Variants in TIMP3 observed in about 807,000 individuals in gnomAD.
The protein encoded by TIMP3 is TIMP metallopeptidase inhibitor 3, also known as metalloproteinase inhibitor 3.
Under a neutral mutation model 30.0 loss-of-function variants are expected in TIMP3, and 11 were observed. That is an observed-to-expected ratio of 0.37 (90% CI 0.23 to 0.61). The LOEUF (loss-of-function observed/expected upper bound fraction) is 0.61, where lower values mean the gene tolerates loss of function less well. Among genes scored for constraint, TIMP3 ranks in the 20% least tolerant of loss-of-function variants. The pLI is 0.70. For synonymous variants in TIMP3, 112 were observed against 111.3 expected (o/e 1.01, Z -0.04); for missense variants, 181 against 276.8 (o/e 0.65, Z 2.45).
chr22:32,832,650 G>A (rs1006434950), intron 1 of TIMP3, among the ~76,000 whole-genome samples: 4 of 151,628 alleles, frequency 2.6e-5, no homozygotes, highest in Admixed American at 2.0e-4. Context: ...TTGGGAGACA[G>A]AGTCTGGTTT....
At chr22:32,816,623 G>A (rs1034285956) in intron 1 of TIMP3, among the ~76,000 whole-genome samples, 1 of 152,130 alleles carries the variant, frequency 6.6e-6, no homozygotes, top group Non-Finnish European at 1.5e-5. Context: ...TATCCTGCCA[G>A]GTTAGAAAGA....
In TIMP3 at chr22:32,801,922, C is replaced by T; in HGVS notation, c.-80C>T. On this transcript the variant is annotated 5_prime_UTR_variant, in exon 1 of 5. Transcript: ENST00000266085. The surrounding 1 kb of genome is among the most constrained non-coding windows in gnomAD (Gnocchi z 4.7). ...GGCCCGGCGGGCGAGCGAGCTCGGG[C>T]TGCAGCAGCCCCGCCGGCGGCGCGC... is the stretch of plus-strand genomic sequence containing the variant. The T allele has an allele frequency of 3.4e-6, 5 of 1,491,418 alleles. No homozygotes were observed. The highest frequency in any genetic ancestry group is 1.3e-5 in the South Asian group (1 of 79,292). The allele number at this position is 1,491,418 out of a possible 1,614,324, so 92.4% of individuals were successfully genotyped here.
rs2048164974 is a variant in TIMP3, at chr22:32,849,682, G to A, written c.204+148G>A. On this transcript the variant is annotated intron_variant, in intron 2 of 4. Coordinates refer to ENST00000266085, the MANE Select transcript of TIMP3 (RefSeq NM_000362.5). ...CCTTCTGCCTGCTGGAGAGGGAGCTGCTAAGGCTGCATAAAGGGATGGGTA... is the reference window on the plus strand; with the variant it reads ...CCTTCTGCCTGCTGGAGAGGGAGCTACTAAGGCTGCATAAAGGGATGGGTA... 1.2e-5 allele frequency: 9 copies of A among 765,602 alleles called. No individual in the cohort carries two copies. In the South Asian group the frequency reaches 1.2e-4, roughly 10 times the overall value. The allele number at this position is 765,602 out of a possible 1,614,324, so 47.4% of individuals were successfully genotyped here.
chr22:32,811,623 T>G (rs1176420430), intron 1 of TIMP3, among the ~76,000 whole-genome samples: 1 of 152,178 alleles, frequency 6.6e-6, no homozygotes, highest in African/African-American at 2.4e-5. Context: ...CTCTTCACAT[T>G]TTAGAGTCTT....
chr22:32,832,832 A>G (rs1006846789), intron 1 of TIMP3, among the ~76,000 whole-genome samples: 5 of 151,942 alleles, frequency 3.3e-5, no homozygotes, highest in Non-Finnish European at 7.4e-5. Context: ...GGCTCAAGTG[A>G]TCCGTTTCCC....
chr22:32,834,213 C>T (rs1326614837), intron 1 of TIMP3, among the ~76,000 whole-genome samples: 2 of 151,910 alleles, frequency 1.3e-5, no homozygotes, highest in Non-Finnish European at 2.9e-5. Flanking sequence ...AGTGCAGTGG[C>T]ACGATCTCGG....
At chr22:32,825,248 A>G (rs1028611784) in intron 1 of TIMP3, among the ~76,000 whole-genome samples, 2 of 152,212 alleles carry the variant, frequency 1.3e-5, no homozygotes, top group Admixed American at 6.5e-5. Flanking sequence ...CAGGGTGGCC[A>G]GCTGATGGCT....
At chr22:32,858,922 C>A (rs1435813721) in intron 4 of TIMP3, among the ~76,000 whole-genome samples, 5 of 152,168 alleles carry the variant, frequency 3.3e-5, no homozygotes, top group African/African-American at 9.7e-5. Context: ...GCTGTGTGAC[C>A]TGCAGCAAGT....
At chr22:32,805,562 A>G (rs1189054550) in intron 1 of TIMP3, among the ~76,000 whole-genome samples, 1 of 151,906 alleles carries the variant, frequency 6.6e-6, no homozygotes, top group African/African-American at 2.4e-5. Context: ...GGAGGAGGGA[A>G]GAGACATGTC....
intron 1 of TIMP3, among the ~76,000 whole-genome samples, chr22:32,813,472 A>G (rs1412147467): frequency 1.4e-5 from 2 of 141,636 alleles, no homozygotes; most frequent in South Asian, 2.3e-4. Flanking sequence ...TTAATGTAAC[A>G]TCTTCTGAAA....
At chr22:32,817,059 A>AG in intron 1 of TIMP3, among the ~76,000 whole-genome samples, 1 of 25,760 alleles carries the variant, frequency 3.9e-5, no homozygotes, top group South Asian at 8.0e-4. Flanking sequence ...GTCTCTACTA[A>AG]TTTAAAAAAA....
chr22:32,801,796 C>T lies in TIMP3; in HGVS notation c.-206C>T, dbSNP rs979545800. 16 of 435,196 alleles carry T rather than the reference C, an allele frequency of 3.7e-5. No individual in the cohort carries two copies. The highest frequency in any genetic ancestry group is 3.4e-4 in the African/African-American group (16 of 47,480). The allele number at this position is 435,196 out of a possible 1,614,324, so 27.0% of individuals were successfully genotyped here. On this transcript the variant is annotated 5_prime_UTR_variant, in exon 1 of 5. Transcript: ENST00000266085. The surrounding 1 kb of genome is among the most constrained non-coding windows in gnomAD (Gnocchi z 4.7). ...CCTGCTCCTTCGCCGGGAGGCCGCC[C>T]GCCGAGTCCTGCGCCAGCGCCGAGG...
At chr22:32,857,405 C>A in intron 3 of TIMP3, 45 bp downstream of exon 3, 1 of 1,457,516 alleles carries the variant, frequency 6.9e-7, no homozygotes, top group Non-Finnish European at 9.6e-7. Context: ...GGCCAAGGTC[C>A]ACTGTTTCTT....
intron 1 of TIMP3, among the ~76,000 whole-genome samples, chr22:32,816,527 T>C (rs2047091853): frequency 6.6e-6 from 1 of 152,166 alleles, no homozygotes; most frequent in African/African-American, 2.4e-5. Context: ...CTTTTTTATT[T>C]TTGGTGAGGA....
At chr22:32,829,496 C>T (rs1318100894) in intron 1 of TIMP3, among the ~76,000 whole-genome samples, 5 of 152,204 alleles carry the variant, frequency 3.3e-5, no homozygotes, top group African/African-American at 7.2e-5. Context: ...GGGAATTGAT[C>T]GGTGCCAGAT....
intron 1 of TIMP3, among the ~76,000 whole-genome samples, chr22:32,845,516 C>T (rs1316132521): frequency 6.6e-6 from 1 of 152,106 alleles, no homozygotes; most frequent in East Asian, 1.9e-4. Flanking sequence ...ACCTTATCTC[C>T]CCACTAGACT....
At chr22:32,826,396 T>A (rs2047413737) in intron 1 of TIMP3, among the ~76,000 whole-genome samples, 1 of 152,120 alleles carries the variant, frequency 6.6e-6, no homozygotes, top group Non-Finnish European at 1.5e-5. Flanking sequence ...GTCACTGCAC[T>A]ATAGCTTGGG....
At chr22:32,823,157 C>T (rs2047301676) in intron 1 of TIMP3, among the ~76,000 whole-genome samples, 1 of 152,164 alleles carries the variant, frequency 6.6e-6, no homozygotes, top group South Asian at 2.1e-4. Context: ...GTGACCCTTG[C>T]TTTTGGGTCT....
In TIMP3 at chr22:32,838,812, C is replaced by A. The variant is rs559902259; in HGVS notation, c.122-10640C>A. Among the ~76,000 whole-genome samples the A allele has an allele frequency of 2.0e-5, 3 of 152,070 alleles. No homozygotes were observed. In the East Asian group the frequency reaches 5.8e-4, roughly 30 times the overall value. On this transcript the variant is annotated intron_variant, in intron 1 of 4. Transcript: ENST00000266085. ...CCTCCCACAGCCTCATTCATTCATT[C>A]ATTCAACATTTTTGGGAACCCTGGC...
Sources: allele counts gnomAD v4.1 joint callset (sites outside exome capture counted in the v4.1 genomes callset), GRCh38; gene constraint gnomAD v4.1.1; non-coding constraint Gnocchi (gnomAD v3.1); transcripts MANE v1.5; gene names NCBI Gene and HGNC (gene_info 2026-07-23, HGNC 2026-07-21).